The following NREP variants were observed in gnomAD, a reference collection of about 807,000 sequenced individuals.
The protein encoded by NREP is neuronal regeneration-related protein.
Under a neutral mutation model 8.6 loss-of-function variants are expected in NREP, and 5 were observed. The ratio of observed to expected loss-of-function variants is 0.58; its 90% CI spans 0.30 to 1.22. NREP has a LOEUF of 1.22. NREP is among the 50% of genes most tolerant of loss of function. The pLI, the probability that NREP is intolerant of heterozygous loss-of-function variation, is 0.07. For missense variants in NREP, 86 were observed against 82.5 expected, an observed-to-expected ratio of 1.04 and a Z score of -0.17; for synonymous variants, 27 against 28.0, an observed-to-expected ratio of 0.96 and a Z score of 0.11.
chr5:111,964,867 A>T (rs13153803), intron 2 of NREP, among the ~76,000 whole-genome samples: 14,667 of 105,198 alleles, frequency 0.14, 1,222 homozygotes, highest in Non-Finnish European at 0.17. Flanking sequence ...AAAAAAAAAA[A>T]AAAAAAAAAA....
At chr5:111,926,143 A>G (rs1223719665) in intron 2 of NREP, among the ~76,000 whole-genome samples, 1 of 152,124 alleles carries the variant, frequency 6.6e-6, no homozygotes, top group Non-Finnish European at 1.5e-5. Flanking sequence ...TCTTTCAATG[A>G]GAAGGGAACC....
At chr5:111,755,938 A>G (rs1581088764) in intron 1 of NREP, 108 bp from the exon 2 acceptor site, 1 of 1,272,370 alleles carries the variant, frequency 7.9e-7, no homozygotes, top group Non-Finnish European at 1.0e-6. Flanking sequence ...TGTGGTTAAG[A>G]TAAGTTACAT....
At chr5:111,844,955 T>C (rs967623537) in intron 2 of NREP, among the ~76,000 whole-genome samples, 7 of 151,880 alleles carry the variant, frequency 4.6e-5, no homozygotes, top group Non-Finnish European at 1.0e-4. Context: ...AAATATTATA[T>C]ATATAAAGCC....
chr5:111,937,921 C>G (rs1407204195), intron 2 of NREP, among the ~76,000 whole-genome samples: 1 of 152,064 alleles, frequency 6.6e-6, no homozygotes, highest in African/African-American at 2.4e-5. Context: ...CAACTTATGC[C>G]TGCTCTTGAC....
chr5:111,905,109 G>C (rs991454758), intron 2 of NREP, among the ~76,000 whole-genome samples: 2 of 152,066 alleles, frequency 1.3e-5, no homozygotes, highest in African/African-American at 4.8e-5. Context: ...AAATTTGTAT[G>C]TTATTTCTCC....
intron 2 of NREP, among the ~76,000 whole-genome samples, chr5:111,833,403 T>G (rs1752820239): frequency 6.6e-6 from 1 of 152,238 alleles, no homozygotes; most frequent in Non-Finnish European, 1.5e-5. Context: ...CAATTCACTT[T>G]CCAGGGTTGT....
At chr5:111,835,433 TATACAGCCAG>T (rs920687475) in intron 2 of NREP, among the ~76,000 whole-genome samples, 2 of 152,092 alleles carry the variant, frequency 1.3e-5, no homozygotes, top group African/African-American at 4.8e-5. Context: ...AGATAATTAT[TATACAGCCAG>T]ATACAGGCTA....
chr5:111,832,403 A>C (rs114192234), intron 2 of NREP, among the ~76,000 whole-genome samples: 2,963 of 152,160 alleles, frequency 0.019, 47 homozygotes, highest in Non-Finnish European at 0.027. Flanking sequence ...GGGTGGCATG[A>C]GCCTGTAGTC....
At chr5:111,812,026 G>T (rs946186758) in intron 2 of NREP, among the ~76,000 whole-genome samples, 1 of 152,136 alleles carries the variant, frequency 6.6e-6, no homozygotes, top group African/African-American at 2.4e-5. Context: ...AGTGGTTCAC[G>T]CCTGTAATCG....
intron 2 of NREP, among the ~76,000 whole-genome samples, chr5:111,744,979 G>A (rs1157883788): frequency 1.3e-5 from 2 of 152,034 alleles, no homozygotes; most frequent in East Asian, 3.9e-4. Context: ...AGGGAACTAT[G>A]AGCAATAAAC....
In NREP at chr5:111,729,601, T is replaced by G. The variant is rs1748369453; in HGVS notation, c.*1320A>C. On this transcript the variant is annotated 3_prime_UTR_variant, in exon 4 of 4. Coordinates refer to ENST00000257435, the MANE Select transcript of NREP (RefSeq NM_004772.4). Reference sequence around the variant, plus strand: ...GTGCAGTGCATGCGTCATCGGTGTTTAACAGTCAGAAGCGAAACAGTTCAG... The same window carrying G: ...GTGCAGTGCATGCGTCATCGGTGTTGAACAGTCAGAAGCGAAACAGTTCAG... 6.6e-6 allele frequency: 1 copy of G among 152,664 alleles called. No homozygotes were observed. Among genetic ancestry groups the G allele is most frequent in the Non-Finnish European group, 1.5e-5 (1 of 68,042 alleles). 9.5% of individuals were successfully genotyped at this position (152,664 alleles called of 1,614,324 possible).
intron 2 of NREP, 143 bp downstream of exon 2, chr5:111,755,627 A>T: frequency 1.1e-6 from 1 of 892,052 alleles, no homozygotes; most frequent in Non-Finnish European, 1.9e-6. Context: ...CAACGCTCCC[A>T]GGAACTGGAG....
intron 2 of NREP, among the ~76,000 whole-genome samples, chr5:111,812,812 C>T (rs1752299725): frequency 6.6e-6 from 1 of 152,016 alleles, no homozygotes; most frequent in Non-Finnish European, 1.5e-5. Context: ...GAATAAACAT[C>T]AATTTAGAAT....
At chr5:111,889,474 C>T (rs11241142) in intron 2 of NREP, among the ~76,000 whole-genome samples, 91,609 of 151,924 alleles carry the variant, frequency 0.6, 28,048 homozygotes, top group Non-Finnish European at 0.65. Context: ...GACAAATATC[C>T]AAACTACATC....
At chr5:111,786,646 T>C (rs989334525) in intron 2 of NREP, among the ~76,000 whole-genome samples, 1 of 152,210 alleles carries the variant, frequency 6.6e-6, no homozygotes, top group Non-Finnish European at 1.5e-5. Context: ...AGGTATTCAA[T>C]GTCCTTAAAA....
intron 2 of NREP, among the ~76,000 whole-genome samples, chr5:111,781,677 C>T (rs1190899747): frequency 6.6e-6 from 1 of 152,148 alleles, no homozygotes; most frequent in Non-Finnish European, 1.5e-5. Flanking sequence ...GAAAAAATAA[C>T]AACTTTGTGA....
chr5:111,786,945 C>T (rs1751626867), intron 2 of NREP, among the ~76,000 whole-genome samples: 1 of 152,164 alleles, frequency 6.6e-6, no homozygotes, highest in African/African-American at 2.4e-5. Flanking sequence ...TATTTAAGGT[C>T]AGGTACTAGG....
chr5:111,809,496 TTCCCAGTAGTGAGA>T (rs1217586885), intron 2 of NREP, among the ~76,000 whole-genome samples: 87 of 152,326 alleles, frequency 5.7e-4, no homozygotes, highest in African/African-American at 1.5e-3. Context: ...CTCAATGCCA[TTCCCAGTAGTGAGA>T]GAGTTCTCTC....
At chr5:111,963,676 A>C (rs1175164971) in intron 2 of NREP, among the ~76,000 whole-genome samples, 1 of 152,214 alleles carries the variant, frequency 6.6e-6, no homozygotes, top group African/African-American at 2.4e-5. Context: ...TGTGAGCTTG[A>C]AAAAGGAAGA....
Sources: allele counts gnomAD v4.1 joint callset (sites outside exome capture counted in the v4.1 genomes callset), GRCh38; gene constraint gnomAD v4.1.1; transcripts MANE v1.5; gene names NCBI Gene and HGNC (gene_info 2026-07-23, HGNC 2026-07-21).